The following BLTP3B variants were observed in gnomAD, a reference collection of about 807,000 sequenced individuals.
The protein encoded by BLTP3B is UHRF1 (ICBP90) binding protein 1-like.
chr12:100,135,444 T>C, the BLTP3B span, among the ~76,000 whole-genome samples: 54 of 152,098 alleles, frequency 3.6e-4, no homozygotes, highest in African/African-American at 1.2e-3. Context: ...AATTTTGGTA[T>C]TTTTAGTACA....
the BLTP3B span, chr12:100,048,107 A>G: frequency 6.2e-7 from 1 of 1,613,204 alleles, no homozygotes; most frequent in Admixed American, 1.7e-5. Context: ...TCTGCAAGTA[A>G]AGAGTGTATT....
chr12:100,085,173 A>G, the BLTP3B span, among the ~76,000 whole-genome samples: 1 of 152,152 alleles, frequency 6.6e-6, no homozygotes, highest in Non-Finnish European at 1.5e-5. Flanking sequence ...CAGAATCATT[A>G]GGCTTCTCTG....
chr12:100,118,131 A>G, the BLTP3B span, among the ~76,000 whole-genome samples: 1 of 152,206 alleles, frequency 6.6e-6, no homozygotes, highest in Non-Finnish European at 1.5e-5. Flanking sequence ...AAAGGAAAAC[A>G]GCAGACAAAC....
chr12:100,061,374 C>T, the BLTP3B span, among the ~76,000 whole-genome samples: 1 of 152,114 alleles, frequency 6.6e-6, no homozygotes, highest in African/African-American at 2.4e-5. Flanking sequence ...GATCTATATG[C>T]AGGGCCGGCG....
chr12:100,048,765 AGAGTGAGTGTGTGT>A, the BLTP3B span, among the ~76,000 whole-genome samples: 1 of 121,744 alleles, frequency 8.2e-6, no homozygotes, highest in African/African-American at 3.4e-5. Flanking sequence ...AGAGAGAGTG[AGAGTGAGTGTGTGT>A]GTGTGTGTGT....
the BLTP3B span, chr12:100,102,705 T>C: frequency 6.0e-5 from 65 of 1,086,620 alleles, no homozygotes; most frequent in African/African-American, 8.7e-4. Flanking sequence ...TAAGGCTTTT[T>C]TTTTTTTTTT....
chr12:100,100,075 G>A, the BLTP3B span, among the ~76,000 whole-genome samples: 1 of 151,974 alleles, frequency 6.6e-6, no homozygotes. Flanking sequence ...GGCCAAGGCA[G>A]GTGGATCACT....
chr12:100,047,461 T>C, the BLTP3B span: 7 of 1,168,018 alleles, frequency 6.0e-6, no homozygotes, highest in African/African-American at 1.5e-5. Flanking sequence ...ATCGTGCCAT[T>C]GCACTCAAGC....
the BLTP3B span, among the ~76,000 whole-genome samples, chr12:100,070,674 T>A: frequency 6.6e-6 from 1 of 152,198 alleles, no homozygotes; most frequent in East Asian, 1.9e-4. Flanking sequence ...GGTATAAGGA[T>A]CAGAAGTTCC....
the BLTP3B span, among the ~76,000 whole-genome samples, chr12:100,079,659 G>T: frequency 2.0e-5 from 3 of 152,194 alleles, no homozygotes; most frequent in African/African-American, 7.2e-5. Context: ...ATTCAAGCCA[G>T]CTACAGAAAT....
chr12:100,071,834 G>C, the BLTP3B span, among the ~76,000 whole-genome samples: 2 of 152,142 alleles, frequency 1.3e-5, no homozygotes, highest in African/African-American at 4.8e-5. Flanking sequence ...AAGTTATATA[G>C]CTGACATATA....
the BLTP3B span, chr12:100,047,689 T>C: frequency 7.4e-7 from 1 of 1,344,204 alleles, no homozygotes; most frequent in Non-Finnish European, 1.1e-6. Flanking sequence ...GGTCATATTT[T>C]TAATGAGTTA....
At chr12:100,140,741 T>A in the BLTP3B span, among the ~76,000 whole-genome samples, 35 of 122,912 alleles carry the variant, frequency 2.8e-4, no homozygotes, top group African/African-American at 9.8e-4. Flanking sequence ...TATATATATA[T>A]ATATATATAT....
the BLTP3B span, among the ~76,000 whole-genome samples, chr12:100,043,394 T>TA: frequency 3.3e-5 from 5 of 152,222 alleles, no homozygotes; most frequent in Non-Finnish European, 5.9e-5. Context: ...TCAATGAATG[T>TA]AAGAGTTTAT....
the BLTP3B span, among the ~76,000 whole-genome samples, chr12:100,105,951 A>G: frequency 6.6e-6 from 1 of 152,202 alleles, no homozygotes; most frequent in South Asian, 2.1e-4. Flanking sequence ...ACCACATGAA[A>G]AAATGCTCAA....
chr12:100,049,845 C>T, the BLTP3B span, among the ~76,000 whole-genome samples: 4 of 152,126 alleles, frequency 2.6e-5, no homozygotes, highest in Non-Finnish European at 4.4e-5. Context: ...GGTCTACACA[C>T]ACACACATTC....
chr12:100,069,894 A>G, the BLTP3B span: 2 of 969,646 alleles, frequency 2.1e-6, no homozygotes, highest in South Asian at 4.9e-5. Flanking sequence ...AAAATAGAAT[A>G]AAATTTTTAA....
At chr12:100,141,527 A>G in the BLTP3B span, among the ~76,000 whole-genome samples, 3 of 152,148 alleles carry the variant, frequency 2.0e-5, no homozygotes, top group Non-Finnish European at 2.9e-5. Flanking sequence ...AGTGAGGAAA[A>G]TATTTGCTGA....
the BLTP3B span, among the ~76,000 whole-genome samples, chr12:100,093,533 A>G: frequency 2.0e-5 from 3 of 152,230 alleles, no homozygotes; most frequent in African/African-American, 4.8e-5. Context: ...CAATATTTCA[A>G]ATTGCCACTC....
Sources: gnomAD v4.1 joint callset for allele counts (sites outside exome capture counted in the v4.1 genomes callset) on GRCh38, gnomAD v4.1.1 for gene constraint, MANE v1.5 for transcripts, NCBI Gene and HGNC (gene_info 2026-07-23, HGNC 2026-07-21) for gene names.